GRIN2B: variants seen among roughly 807,000 people sequenced by gnomAD.
GRIN2B encodes glutamate receptor ionotropic, NMDA 2B.
In GRIN2B, 5 loss-of-function variants were observed where a neutral mutation model predicts 114.5. That is an observed-to-expected ratio of 0.04 (90% CI 0.02 to 0.09). The LOEUF (loss-of-function observed/expected upper bound fraction) is 0.09, where lower values mean the gene tolerates loss of function less well. Among genes scored for constraint, GRIN2B ranks in the 10% least tolerant of loss-of-function variants. GRIN2B has a pLI of 1.00. For synonymous variants in GRIN2B, 787 were observed against 745.1 expected (o/e 1.06, Z -0.92); for missense variants, 1,108 against 1,943.5 (o/e 0.57, Z 8.08).
At chr12:13,910,937 T>G (rs1866618289) in intron 2 of GRIN2B, among the ~76,000 whole-genome samples, 1 of 152,142 alleles carries the variant, frequency 6.6e-6, no homozygotes, top group Admixed American at 6.6e-5. Flanking sequence ...CTGATGGGTG[T>G]CTGGAATATC....
chr12:13,662,052 G>T (rs1361954766), intron 5 of GRIN2B, among the ~76,000 whole-genome samples: 2 of 152,134 alleles, frequency 1.3e-5, no homozygotes, highest in Admixed American at 1.3e-4. Flanking sequence ...GCCAAAAGAT[G>T]CCATGCTCAC....
At chr12:13,651,143 C>G (rs1009594597) in intron 5 of GRIN2B, among the ~76,000 whole-genome samples, 1 of 152,074 alleles carries the variant, frequency 6.6e-6, no homozygotes, top group African/African-American at 2.4e-5. Context: ...AAGAATACAT[C>G]TGATTGTCTC....
chr12:13,926,972 A>AC (rs1160625705), intron 2 of GRIN2B, among the ~76,000 whole-genome samples: 9 of 151,486 alleles, frequency 5.9e-5, no homozygotes, highest in Non-Finnish European at 7.4e-5. Flanking sequence ...AAAAAAAAAA[A>AC]AGACAAATTT....
At chr12:13,636,249 T>C (rs1289644132) in intron 5 of GRIN2B, among the ~76,000 whole-genome samples, 1 of 152,152 alleles carries the variant, frequency 6.6e-6, no homozygotes, top group Non-Finnish European at 1.5e-5. Context: ...AGTTGGCTAG[T>C]ATAGCTGGAG....
intron 10 of GRIN2B, 104 bp from the exon 11 acceptor site, chr12:13,572,068 A>C: frequency 2.2e-6 from 2 of 920,520 alleles, no homozygotes; most frequent in East Asian, 2.6e-5. Flanking sequence ...AGTTAGCATT[A>C]GTGGATTTAT....
chr12:13,657,451 G>A (rs1273922364), intron 5 of GRIN2B, among the ~76,000 whole-genome samples: 1 of 152,200 alleles, frequency 6.6e-6, no homozygotes, highest in Non-Finnish European at 1.5e-5. Context: ...GGAGGGCAGT[G>A]CTTGCTTAGA....
chr12:13,616,793 T>C, intron 5 of GRIN2B, 136 bp from the exon 6 acceptor site: 7 of 728,674 alleles, frequency 9.6e-6, no homozygotes, highest in Non-Finnish European at 1.7e-5. Context: ...ATACTAGAGA[T>C]AGGAATACTT....
At chr12:13,887,861 C>T (rs1445361939) in intron 2 of GRIN2B, among the ~76,000 whole-genome samples, 1 of 152,120 alleles carries the variant, frequency 6.6e-6, no homozygotes, top group Non-Finnish European at 1.5e-5. Flanking sequence ...ATAGTGCTTG[C>T]CCTCTAAAAT....
At chr12:13,697,278 T>C (rs760263137) in intron 4 of GRIN2B, among the ~76,000 whole-genome samples, 1 of 152,074 alleles carries the variant, frequency 6.6e-6, no homozygotes, top group Non-Finnish European at 1.5e-5. Flanking sequence ...ATTCATCCAA[T>C]TCAGGAAGCA....
At chr12:13,829,222 AT>A (rs1323226067) in intron 3 of GRIN2B, among the ~76,000 whole-genome samples, 3 of 152,170 alleles carry the variant, frequency 2.0e-5, no homozygotes, top group African/African-American at 7.2e-5. Context: ...TATTTTCTTA[AT>A]AGAAATTACT....
chr12:13,747,599 A>C (rs1863409779), intron 4 of GRIN2B, among the ~76,000 whole-genome samples: 1 of 152,234 alleles, frequency 6.6e-6, no homozygotes, highest in African/African-American at 2.4e-5. Context: ...GTGCATATAC[A>C]TAAAAATGTA....
chr12:13,964,127 C>T (rs1867747849), intron 2 of GRIN2B, among the ~76,000 whole-genome samples: 1 of 152,118 alleles, frequency 6.6e-6, no homozygotes, highest in Admixed American at 6.5e-5. Flanking sequence ...ATAAAGAAAG[C>T]TAGTATTCCT....
At chr12:13,772,614 T>C (rs539547603) in intron 3 of GRIN2B, among the ~76,000 whole-genome samples, 2 of 152,254 alleles carry the variant, frequency 1.3e-5, no homozygotes, top group East Asian at 3.9e-4. Flanking sequence ...GCAAAGTAAT[T>C]CCTACTGATA....
intron 3 of GRIN2B, among the ~76,000 whole-genome samples, chr12:13,759,446 T>C (rs1332957805): frequency 6.6e-6 from 1 of 152,208 alleles, no homozygotes; most frequent in African/African-American, 2.4e-5. Context: ...GAAAATGCTA[T>C]AGTCACTTAT....
At chr12:13,699,675 C>A (rs150024201) in intron 4 of GRIN2B, among the ~76,000 whole-genome samples, 1 of 151,932 alleles carries the variant, frequency 6.6e-6, no homozygotes, top group South Asian at 2.1e-4. Context: ...GCAACCTCCG[C>A]CTCCTGGGTT....
rs1489423369 is a variant in GRIN2B, at chr12:13,858,591, T to C, written c.411+7207A>G. Among the ~76,000 whole-genome samples the C allele has an allele frequency of 2.0e-5, 3 of 152,310 alleles. No individual in the cohort carries two copies. In the South Asian group the frequency reaches 6.2e-4, roughly 32 times the overall value. ...AATTGGCTGGCAATATTTAGTAAAT[T>C]TATGTTTTCTTGTATCTGTAACATT... On this transcript the variant is annotated intron_variant, in intron 3 of 13. Transcript: ENST00000609686.
intron 2 of GRIN2B, among the ~76,000 whole-genome samples, chr12:13,882,139 T>C (rs1313279888): frequency 6.6e-6 from 1 of 152,198 alleles, no homozygotes; most frequent in East Asian, 1.9e-4. Context: ...GATAAACTAG[T>C]GACATAAGAT....
At chr12:13,947,241 C>T (rs1323660759) in intron 2 of GRIN2B, among the ~76,000 whole-genome samples, 1 of 152,184 alleles carries the variant, frequency 6.6e-6, no homozygotes, top group Non-Finnish European at 1.5e-5. Flanking sequence ...GTCAGTGTAG[C>T]TAATAAACCA....
intron 3 of GRIN2B, among the ~76,000 whole-genome samples, chr12:13,848,694 G>A (rs966950402): frequency 6.6e-6 from 1 of 152,116 alleles, no homozygotes; most frequent in Admixed American, 6.6e-5. Context: ...CAAAAAGCCA[G>A]CTCCAGATAC....
Sources: gnomAD v4.1 joint callset for allele counts (sites outside exome capture counted in the v4.1 genomes callset) on GRCh38, gnomAD v4.1.1 for gene constraint, MANE v1.5 for transcripts, NCBI Gene and HGNC (gene_info 2026-07-23, HGNC 2026-07-21) for gene names.